JAG2: variants seen among roughly 807,000 people sequenced by gnomAD.
JAG2 encodes the protein jagged canonical Notch ligand 2, also known as protein jagged-2.
A neutral mutation model predicts 141.7 loss-of-function variants in JAG2; 46 were observed. That is an observed-to-expected ratio of 0.32 (90% CI 0.26 to 0.42). JAG2 has a LOEUF of 0.42. JAG2 is among the 10% of genes least tolerant of loss of function. JAG2 has a pLI of 1.00. For missense variants in JAG2, 1,500 were observed against 1,817.5 expected (o/e 0.83, Z 3.18); for synonymous variants, 862 against 763.5 (o/e 1.13, Z -2.13).
At chr14:105,163,784 G>A (rs1007382000) in intron 2 of JAG2, among the ~76,000 whole-genome samples, 2 of 150,692 alleles carry the variant, frequency 1.3e-5, no homozygotes, top group Non-Finnish European at 1.5e-5. Flanking sequence ...TCAGGCCTGG[G>A]GCCTGAGGAT....
chr14:105,142,446 C>T lies in JAG2; in HGVS notation c.*249G>A, dbSNP rs752922211. The stretch of plus-strand genomic sequence containing the variant: ...CCCTTTGCTCTCTCCTTTCATACAG[C>T]GAGTGCCACGCACGGAAACTTTACA... On this transcript the variant is annotated 3_prime_UTR_variant, in exon 26 of 26. Transcript: ENST00000331782. 9 of 512,488 alleles carry T rather than the reference C, an allele frequency of 1.8e-5. No homozygotes were observed. Among genetic ancestry groups the T allele is most frequent in the Admixed American group, 7.4e-5 (2 of 27,090 alleles). The allele number at this position is 512,488 out of a possible 1,614,324, so 31.7% of individuals were successfully genotyped here. A position where few individuals can be genotyped will look rare whatever the true frequency, so the allele number is the denominator to read the frequency against.
At chr14:105,151,484 C>T in intron 8 of JAG2, 88 bp from the exon 9 acceptor site, 1 of 1,401,166 alleles carries the variant, frequency 7.1e-7, no homozygotes, top group Admixed American at 1.9e-5. Context: ...AAGCCTGGGT[C>T]TTCCTGCCAT....
rs375550242 is a variant in JAG2, at chr14:105,145,725, C to G, written c.2952+6G>C. 9.9e-5 allele frequency: 157 copies of G among 1,590,794 alleles called. 1 individual carries two copies. Among genetic ancestry groups the G allele is most frequent in the Admixed American group, 1.7e-4 (10 of 57,394 alleles). On this transcript the variant is annotated splice_donor_region_variant and intron_variant, in intron 23 of 25. Coordinates refer to ENST00000331782, the MANE Select transcript of JAG2 (RefSeq NM_002226.5). ...CTGCAAGCTCAGATGCCACCAGGCC[C>G]CTCACCTGGGGCACGTGGTCACGGT...
intron 25 of JAG2, 71 bp downstream of exon 25, chr14:105,143,411 C>A (rs1028629591): frequency 6.6e-7 from 1 of 1,504,230 alleles, no homozygotes; most frequent in African/African-American, 1.4e-5. Flanking sequence ...TCGGCAGGAT[C>A]GGCCGGCTCT....
At chr14:105,164,851 A>G (rs1057031603) in intron 2 of JAG2, among the ~76,000 whole-genome samples, 3 of 152,118 alleles carry the variant, frequency 2.0e-5, no homozygotes, top group Non-Finnish European at 4.4e-5. Flanking sequence ...TGCCCCTTTC[A>G]CAGGTGAGAA....
chr14:105,159,236 C>A (rs1255869598), intron 2 of JAG2, among the ~76,000 whole-genome samples: 1 of 152,040 alleles, frequency 6.6e-6, no homozygotes, highest in Non-Finnish European at 1.5e-5. Flanking sequence ...CCCGGCCCCG[C>A]CCCCGAGCCC....
rs753119435 is a variant in JAG2 at position 105,145,902 on chromosome 14, C to T, written c.2781G>A (p.Gly927=). Residue 927 remains glycine, a synonymous_variant, in exon 23 of 26, where the codon GGG becomes GGA. Coordinates refer to ENST00000331782, the MANE Select transcript of JAG2 (RefSeq NM_002226.5). The part of the protein sequence containing the change: ...PEALSAQCPL[G]QRCLEKAPGQ... The stretch of plus-strand genomic sequence containing the variant: ...CTGGGGCCTTCTCCAGGCACCTTTG[C>T]CCCAGTGGGCACTGGGCGCTCAGGG... The T allele has an allele frequency of 1.7e-5, 26 of 1,566,520 alleles. No homozygotes were observed. Among genetic ancestry groups the T allele is most frequent in the Non-Finnish European group, 2.1e-5 (24 of 1,156,846 alleles).
At chr14:105,148,472 G>T (rs587609582) in intron 15 of JAG2, 33 bp from the exon 16 acceptor site, 1 of 1,531,996 alleles carries the variant, frequency 6.5e-7, no homozygotes, top group Non-Finnish European at 9.0e-7. Flanking sequence ...GCGGGCGGGG[G>T]GTCACCGGCG....
Position 105,147,531 on chromosome 14 carries a change from G to A in JAG2, c.2366-4C>T. ...AGAGGGTTGCAGTCGTTGGTATCTG[G>A]TTTGGGAGAAGAGAACGCAGGGGAT... On this transcript the variant is annotated splice_polypyrimidine_tract_variant and splice_region_variant and intron_variant, in intron 18 of 25. Coordinates refer to ENST00000331782, the MANE Select transcript of JAG2 (RefSeq NM_002226.5). 6.2e-7 allele frequency: 1 copy of A among 1,611,860 alleles called. No individual in the cohort carries two copies. The highest frequency in any genetic ancestry group is 8.5e-7 in the Non-Finnish European group (1 of 1,179,066).
chr14:105,147,376 C>A lies in JAG2; in HGVS notation c.2429G>T (p.Trp810Leu). ...NGGICVDGVN[W>L]FRCECAPGFA... ...GCCAGGTGCACACTCGCAGCGGAAC[C>A]AGTTGACGCCGTCAACACAGATGCC... The change falls in exon 20 of 26, where the codon TGG becomes TTG. Residue 810 changes from tryptophan (W) to leucine (L), a missense_variant. Trp to Leu is a moderately conservative substitution (Grantham distance 61). Coordinates refer to ENST00000331782, the MANE Select transcript of JAG2 (RefSeq NM_002226.5). 1 of 1,596,728 alleles carries A rather than the reference C, an allele frequency of 6.3e-7. No homozygotes were observed. Among genetic ancestry groups the A allele is most frequent in the Non-Finnish European group, 8.5e-7 (1 of 1,172,364 alleles).
chr14:105,147,212 G>A lies in JAG2; in HGVS notation c.2479+114C>T. 3.8e-6 allele frequency: 3 copies of A among 793,264 alleles called. No individual in the cohort carries two copies. The South Asian group carries it at 4.4e-5, about 12-fold the overall frequency. 49.1% of individuals were successfully genotyped at this position (793,264 alleles called of 1,614,324 possible). A position where few individuals can be genotyped will look rare whatever the true frequency, so the allele number is the denominator to read the frequency against. On this transcript the variant is annotated intron_variant, in intron 20 of 25. Transcript: ENST00000331782. ...AAACTGAGGCTCAGAAGAGAGGCAG[G>A]AAGTAGTTGTGGCCACACTGCCCTT...
chr14:105,143,089 T>C lies in JAG2; in HGVS notation c.3323A>G (p.Lys1108Arg). 1.2e-6 allele frequency: 2 copies of C among 1,600,260 alleles called. No homozygotes were observed. The highest frequency in any genetic ancestry group is 2.2e-5 in the East Asian group (1 of 44,860). ...GCTCCTCTCCCGCTCTTTCCTGCGC[T>C]TGCGTGTCCACCACACGCACAGGAC... ...CVVLCVWWTR[K>R]RRKERERSRL... Residue 1108 changes from lysine to arginine, a missense_variant, in exon 26 of 26, where the codon AAG becomes AGG. Physicochemically the swap from Lys to Arg is conservative, Grantham distance 26. Transcript: ENST00000331782.
chr14:105,147,985 CGGGGGCA>C (rs955906284), intron 17 of JAG2, 97 bp from the exon 18 acceptor site: 97 of 1,189,418 alleles, frequency 8.2e-5, no homozygotes, highest in Admixed American at 1.4e-4. Context: ...CAGACAGACC[CGGGGGCA>C]GGGGGCAGGG....
At chr14:105,147,468 A>C in intron 19 of JAG2, 32 bp downstream of exon 19, 4 of 1,608,370 alleles carry the variant, frequency 2.5e-6, no homozygotes, top group Non-Finnish European at 3.4e-6. Flanking sequence ...AGTCCCACCC[A>C]CCCCTGCTGT....
intron 24 of JAG2, 123 bp from the exon 25 acceptor site, chr14:105,143,761 G>A (rs936056577): frequency 2.6e-5 from 32 of 1,214,738 alleles, no homozygotes; most frequent in Non-Finnish European, 5.8e-6. Flanking sequence ...GAGAGCCCGG[G>A]GTCCTGCAGT....
chr14:105,151,501 T>C (rs1888430957), intron 8 of JAG2, 105 bp from the exon 9 acceptor site: 2 of 1,368,176 alleles, frequency 1.5e-6, no homozygotes, highest in Admixed American at 1.9e-5. Context: ...CCATTTGTCC[T>C]CGCCAAGCCA....
Position 105,145,868 on chromosome 14 carries a change from G to C in JAG2, c.2815C>G (p.Leu939Val). The change falls in exon 23 of 26, where the codon CTG becomes GTG. Residue 939 changes from leucine (L) to valine (V), a missense_variant. By Grantham distance (32) the Leu-to-Val change is conservative. Transcript: ENST00000331782. Reference sequence around the variant, plus strand: ...CCCCAGGCCTCACAGGGTGGTCGCAGACACTGGCCTGGGGCCTTCTCCAGG... The same window carrying C: ...CCCCAGGCCTCACAGGGTGGTCGCACACACTGGCCTGGGGCCTTCTCCAGG... ...RCLEKAPGQC[L>V]RPPCEAWGEC... 1 of 1,560,750 alleles carries C rather than the reference G, an allele frequency of 6.4e-7. No homozygotes were observed. The highest frequency in any genetic ancestry group is 8.7e-7 in the Non-Finnish European group (1 of 1,153,158).
chr14:105,164,175 A>C (rs1888842010), intron 2 of JAG2, among the ~76,000 whole-genome samples: 1 of 151,308 alleles, frequency 6.6e-6, no homozygotes. Context: ...CCAGCGACAA[A>C]CCCCCAGCCC....
rs1451640624 is a variant in JAG2, at chr14:105,167,720, G to A, written c.417+37C>T. ...CGCGGGGCCGGGGCGCGGAGAGAGA[G>A]GGAAGGGCTGGAGCACGAGGGATGG... On this transcript the variant is annotated intron_variant, in intron 2 of 25. Transcript: ENST00000331782. The surrounding 1 kb of genome is among the most constrained non-coding windows in gnomAD (Gnocchi z 4.8). 5.0e-6 allele frequency: 7 copies of A among 1,409,754 alleles called. No homozygotes were observed. The highest frequency in any genetic ancestry group is 6.5e-6 in the Non-Finnish European group (7 of 1,081,208). 87.3% of individuals were successfully genotyped at this position (1,409,754 alleles called of 1,614,324 possible). A position where few individuals can be genotyped will look rare whatever the true frequency, so the allele number is the denominator to read the frequency against.
Sources: allele counts gnomAD v4.1 joint callset (sites outside exome capture counted in the v4.1 genomes callset), GRCh38; gene constraint gnomAD v4.1.1; non-coding constraint Gnocchi (gnomAD v3.1); transcripts MANE v1.5; gene names NCBI Gene and HGNC (gene_info 2026-07-23, HGNC 2026-07-21).